DAAM1: variants seen among roughly 807,000 people sequenced by gnomAD.
The protein encoded by DAAM1 is disheveled-associated activator of morphogenesis 1.
In DAAM1, 52 loss-of-function variants were observed where a neutral mutation model predicts 130.0. The observed-to-expected ratio is 0.40, with a 90% CI of 0.32 to 0.50. The LOEUF is 0.50. Among genes scored for constraint, DAAM1 ranks in the 20% least tolerant of loss-of-function variants. The probability of loss-of-function intolerance (pLI) is 0.61; values close to 1 mark genes in which losing one functional copy is unlikely to be tolerated. For missense variants in DAAM1, 1,134 were observed against 1,303.8 expected (o/e 0.87, Z 2.01); for synonymous variants, 452 against 444.5 (o/e 1.02, Z -0.21).
At chr14:59,218,235 G>T (rs1327633299) in intron 1 of DAAM1, among the ~76,000 whole-genome samples, 1 of 152,210 alleles carries the variant, frequency 6.6e-6, no homozygotes, top group Non-Finnish European at 1.5e-5. Context: ...AGTAGATGGT[G>T]CAGGGATAAA....
At chr14:59,191,074 C>T (rs575481654) in intron 1 of DAAM1, among the ~76,000 whole-genome samples, 38 of 152,110 alleles carry the variant, frequency 2.5e-4, no homozygotes, top group Non-Finnish European at 5.1e-4. Context: ...TTTTGTTTCC[C>T]CTCTGCTTGC....
intron 1 of DAAM1, among the ~76,000 whole-genome samples, chr14:59,218,710 C>A (rs1034243755): frequency 2.6e-5 from 4 of 151,982 alleles, no homozygotes; most frequent in Non-Finnish European, 5.9e-5. Flanking sequence ...AGGCTTTGTC[C>A]TTTGGGGGAG....
intron 2 of DAAM1, among the ~76,000 whole-genome samples, chr14:59,267,348 G>A (rs907286333): frequency 6.6e-6 from 1 of 152,150 alleles, no homozygotes; most frequent in Non-Finnish European, 1.5e-5. Flanking sequence ...TCAATAGGAG[G>A]TCAGCCATGT....
intron 1 of DAAM1, among the ~76,000 whole-genome samples, chr14:59,210,039 G>A (rs572818905): frequency 4.1e-4 from 62 of 152,152 alleles, no homozygotes; most frequent in Non-Finnish European, 7.6e-4. Flanking sequence ...GGGGTGTGTG[G>A]GCTGAGGTGG....
chr14:59,261,579 C>A (rs559612298), intron 1 of DAAM1, among the ~76,000 whole-genome samples: 1 of 152,290 alleles, frequency 6.6e-6, no homozygotes, highest in Non-Finnish European at 1.5e-5. Flanking sequence ...GTGATAGACA[C>A]CCTGCTTTTA....
chr14:59,256,405 G>A lies in DAAM1; in HGVS notation c.-37-7036G>A, dbSNP rs529710193. On this transcript the variant is annotated intron_variant, in intron 1 of 24. Transcript: ENST00000360909. ...GTTGAAGAGCAGTACAAATGACTCT[G>A]ACTTCTAGCTAGGCCACAGATGGAT... is the stretch of plus-strand genomic sequence containing the variant. Among the ~76,000 whole-genome samples the A allele has an allele frequency of 5.6e-4, 85 of 152,334 alleles. 1 individual carries two copies. The South Asian group carries it at 7.2e-3, about 13-fold the overall frequency.
chr14:59,205,160 TTC>T (rs780732341), intron 1 of DAAM1, among the ~76,000 whole-genome samples: 8 of 152,258 alleles, frequency 5.3e-5, no homozygotes, highest in Non-Finnish European at 8.8e-5. Context: ...CAGCATGATT[TTC>T]TGTTTACTCT....
intron 3 of DAAM1, among the ~76,000 whole-genome samples, chr14:59,305,776 T>C (rs950291929): frequency 6.6e-6 from 1 of 152,228 alleles, no homozygotes; most frequent in Non-Finnish European, 1.5e-5. Flanking sequence ...CTCTGTAAAG[T>C]GGCACTCTTT....
chr14:59,362,037 T>G (rs1292690841), intron 22 of DAAM1, among the ~76,000 whole-genome samples: 1 of 137,712 alleles, frequency 7.3e-6, no homozygotes, highest in East Asian at 2.2e-4. Context: ...TTTTTTTTAA[T>G]GTAGGGAGTA....
At chr14:59,229,706 A>T (rs560686871) in intron 1 of DAAM1, among the ~76,000 whole-genome samples, 105 of 152,188 alleles carry the variant, frequency 6.9e-4, no homozygotes, top group Non-Finnish European at 1.4e-3. Context: ...AGTAGTGTAA[A>T]ACCTGGTTGA....
intron 1 of DAAM1, among the ~76,000 whole-genome samples, chr14:59,201,535 G>C (rs1214677027): frequency 6.6e-6 from 1 of 152,012 alleles, no homozygotes; most frequent in Non-Finnish European, 1.5e-5. Flanking sequence ...GAATTCGCTT[G>C]AACCTGGGAG....
At chr14:59,315,251 G>T in intron 3 of DAAM1, 29 bp from the exon 4 acceptor site, 1 of 1,606,610 alleles carries the variant, frequency 6.2e-7, no homozygotes. Flanking sequence ...ATGTTGGGTG[G>T]TATGTCACTT....
intron 1 of DAAM1, among the ~76,000 whole-genome samples, chr14:59,229,872 A>G (rs1167975035): frequency 6.6e-6 from 1 of 152,194 alleles, no homozygotes; most frequent in Non-Finnish European, 1.5e-5. Flanking sequence ...TTTCCTGTCT[A>G]TAAATAACTG....
At chr14:59,263,372 G>T in intron 1 of DAAM1, 69 bp from the exon 2 acceptor site, 4 of 1,363,470 alleles carry the variant, frequency 2.9e-6, no homozygotes, top group Non-Finnish European at 4.1e-6. Context: ...TTCTTGAGTT[G>T]GTCTGGCCTT....
At chr14:59,204,346 T>G (rs1215817352) in intron 1 of DAAM1, among the ~76,000 whole-genome samples, 2 of 152,206 alleles carry the variant, frequency 1.3e-5, no homozygotes, top group Non-Finnish European at 2.9e-5. Context: ...GGACTGCTTT[T>G]AGCTTCTAGA....
At chr14:59,329,896 A>G (rs747089222) in intron 12 of DAAM1, among the ~76,000 whole-genome samples, 1 of 152,236 alleles carries the variant, frequency 6.6e-6, no homozygotes, top group Non-Finnish European at 1.5e-5. Context: ...TTGCTTTCAT[A>G]TGCCTTAATA....
chr14:59,189,865 C>T (rs1200762287), intron 1 of DAAM1, among the ~76,000 whole-genome samples: 1 of 152,142 alleles, frequency 6.6e-6, no homozygotes, highest in Non-Finnish European at 1.5e-5. Context: ...CCTCTCGCCC[C>T]ATAACATATT....
intron 3 of DAAM1, among the ~76,000 whole-genome samples, chr14:59,306,575 A>G (rs1884388150): frequency 6.6e-6 from 1 of 152,190 alleles, no homozygotes; most frequent in African/African-American, 2.4e-5. Flanking sequence ...GAGATTTAGT[A>G]GACTGTGTGT....
At chr14:59,282,094 A>G (rs576303239) in intron 2 of DAAM1, among the ~76,000 whole-genome samples, 1 of 152,208 alleles carries the variant, frequency 6.6e-6, no homozygotes, top group Non-Finnish European at 1.5e-5. Context: ...TAAGCTCTGT[A>G]TATTTCCTGG....
Sources: gnomAD v4.1 joint callset for allele counts (sites outside exome capture counted in the v4.1 genomes callset) on GRCh38, gnomAD v4.1.1 for gene constraint, MANE v1.5 for transcripts, NCBI Gene and HGNC (gene_info 2026-07-23, HGNC 2026-07-21) for gene names.